CALN1: variants seen among roughly 807,000 people sequenced by gnomAD.
CALN1 encodes the protein calneuron 1, also known as calcium-binding protein 8.
A neutral mutation model predicts 30.6 loss-of-function variants in CALN1; 17 were observed. The observed-to-expected ratio is 0.56, with a 90% CI of 0.38 to 0.83. The LOEUF (loss-of-function observed/expected upper bound fraction) is 0.83, where lower values mean the gene tolerates loss of function less well. CALN1 is among the 40% of genes least tolerant of loss of function. CALN1 has a pLI of 0.00. For synonymous variants in CALN1, 156 were observed against 131.4 expected, an observed-to-expected ratio of 1.19 and a Z score of -1.28; for missense variants, 291 against 354.9, an observed-to-expected ratio of 0.82 and a Z score of 1.45.
the CALN1 span, among the ~76,000 whole-genome samples, chr7:72,498,533 T>C: frequency 6.6e-6 from 1 of 152,074 alleles, no homozygotes; most frequent in Non-Finnish European, 1.5e-5. Flanking sequence ...ATCTTTAAAG[T>C]ATAAAAAGAA....
At chr7:72,211,848 T>C (rs1165181727) in intron 3 of CALN1, among the ~76,000 whole-genome samples, 1 of 152,026 alleles carries the variant, frequency 6.6e-6, no homozygotes, top group Non-Finnish European at 1.5e-5. Context: ...ATCTCTCAAA[T>C]GGAAATATGA....
chr7:71,847,826 AAGG>A (rs1346102554), intron 5 of CALN1, among the ~76,000 whole-genome samples: 5 of 101,540 alleles, frequency 4.9e-5, no homozygotes, highest in African/African-American at 2.0e-4. Flanking sequence ...GGAGAAGGAG[AAGG>A]AGAAGGAGAA....
chr7:71,854,226 C>T (rs926626978), intron 5 of CALN1, among the ~76,000 whole-genome samples: 14 of 151,706 alleles, frequency 9.2e-5, no homozygotes, highest in Admixed American at 7.2e-4. Flanking sequence ...AGAAACAGGC[C>T]GGGCAGGAGG....
At chr7:72,148,101 TAAAAAA>T (rs71300800) in intron 3 of CALN1, among the ~76,000 whole-genome samples, 1 of 92,158 alleles carries the variant, frequency 1.1e-5, no homozygotes, top group Non-Finnish European at 2.6e-5. Flanking sequence ...TAAAAAAAAA[TAAAAAA>T]AAAAAACAAC....
chr7:72,185,003 C>CTGTG (rs1790079112), intron 3 of CALN1, among the ~76,000 whole-genome samples: 1 of 151,990 alleles, frequency 6.6e-6, no homozygotes. Flanking sequence ...GAAGGTCTCA[C>CTGTG]TGTGTTGTCC....
At chr7:71,853,733 C>T (rs1027609148) in intron 5 of CALN1, among the ~76,000 whole-genome samples, 1 of 152,102 alleles carries the variant, frequency 6.6e-6, no homozygotes, top group Non-Finnish European at 1.5e-5. Context: ...GTGTGTGCCA[C>T]CACACCTGGC....
chr7:71,959,321 G>C (rs566398571), intron 5 of CALN1, among the ~76,000 whole-genome samples: 17 of 152,322 alleles, frequency 1.1e-4, no homozygotes, highest in East Asian at 7.7e-4. Flanking sequence ...TTGTCCAGAA[G>C]TGTGTTCTGT....
chr7:72,033,335 G>C (rs1422071931), intron 4 of CALN1, among the ~76,000 whole-genome samples: 1 of 152,140 alleles, frequency 6.6e-6, no homozygotes, highest in Admixed American at 6.5e-5. Context: ...AGGAAAAGTG[G>C]GTGGGCTTCA....
rs200056778 is a variant in CALN1 at position 71,787,724 on chromosome 7, G to A, written c.*51C>T. 2,489 of 1,604,512 alleles carry A rather than the reference G, an allele frequency of 1.6e-3. 6 individuals carry two copies. Among genetic ancestry groups the A allele is most frequent in the Non-Finnish European group, 1.7e-3 (1,948 of 1,175,222 alleles). On this transcript the variant is annotated 3_prime_UTR_variant, in exon 7 of 7. Transcript: ENST00000395275. ...GTGTGGAGGAAGAGTCTGCCCGCAC[G>A]GCATGCACATGCGCGGTGAGCTGCA...
chr7:72,466,242 TGTG>T, the CALN1 span, among the ~76,000 whole-genome samples: 1 of 148,164 alleles, frequency 6.7e-6, no homozygotes, highest in East Asian at 1.9e-4. Context: ...AGATGTGTGG[TGTG>T]TGTGTGTGTG....
intron 3 of CALN1, among the ~76,000 whole-genome samples, chr7:72,194,566 G>A (rs574376562): frequency 5.2e-4 from 79 of 150,608 alleles, no homozygotes; most frequent in Non-Finnish European, 7.5e-4. Flanking sequence ...ACAGGTTTGG[G>A]CAGAAGGGGA....
chr7:72,193,141 T>C (rs116067612), intron 3 of CALN1, among the ~76,000 whole-genome samples: 1,617 of 151,558 alleles, frequency 0.011, 34 homozygotes, highest in African/African-American at 0.037. Context: ...TGAATCAAGA[T>C]TGTGCCACTA....
chr7:72,206,330 G>A (rs1032843394), intron 3 of CALN1, among the ~76,000 whole-genome samples: 2 of 152,142 alleles, frequency 1.3e-5, no homozygotes, highest in South Asian at 2.1e-4. Context: ...TACTTATGAC[G>A]TCTCAAATAA....
chr7:72,306,908 G>A (rs909760998), intron 2 of CALN1, among the ~76,000 whole-genome samples: 4 of 152,114 alleles, frequency 2.6e-5, no homozygotes, highest in African/African-American at 9.7e-5. Flanking sequence ...ATTTTACAGA[G>A]TCTGACTCTT....
chr7:72,145,574 C>T (rs1333488871), intron 3 of CALN1, among the ~76,000 whole-genome samples: 1 of 152,182 alleles, frequency 6.6e-6, no homozygotes, highest in Non-Finnish European at 1.5e-5. Context: ...CCTTCTGAAA[C>T]TATTCCAATC....
intron 4 of CALN1, among the ~76,000 whole-genome samples, chr7:72,060,866 AC>A (rs899196015): frequency 6.6e-6 from 1 of 152,226 alleles, no homozygotes; most frequent in Non-Finnish European, 1.5e-5. Flanking sequence ...TGTGGGTGTC[AC>A]GCTTCTTGTA....
intron 2 of CALN1, among the ~76,000 whole-genome samples, chr7:72,295,706 T>C (rs998883036): frequency 1.2e-4 from 18 of 150,452 alleles, no homozygotes; most frequent in South Asian, 8.6e-4. Context: ...TTTTTGTACA[T>C]TGATTTTGTA....
At chr7:71,955,215 C>G (rs922809662) in intron 5 of CALN1, among the ~76,000 whole-genome samples, 5 of 152,096 alleles carry the variant, frequency 3.3e-5, no homozygotes, top group African/African-American at 1.2e-4. Flanking sequence ...ACCATCAGAT[C>G]TCGTGAGACG....
At chr7:72,129,332 T>G (rs922564399) in intron 3 of CALN1, among the ~76,000 whole-genome samples, 1 of 152,182 alleles carries the variant, frequency 6.6e-6, no homozygotes, top group African/African-American at 2.4e-5. Context: ...ATACTGGTTA[T>G]AAATGCATAC....
Sources: gnomAD v4.1 joint callset for allele counts (sites outside exome capture counted in the v4.1 genomes callset) on GRCh38, gnomAD v4.1.1 for gene constraint, MANE v1.5 for transcripts, NCBI Gene and HGNC (gene_info 2026-07-23, HGNC 2026-07-21) for gene names.